The following OPRM1 variants were observed in gnomAD, a reference collection of about 807,000 sequenced individuals.
The protein encoded by OPRM1 is opioid receptor mu 1, also known as mu-type opioid receptor.
OPRM1 carries 27 observed loss-of-function variants against 31.8 expected under a neutral mutation model. That is an observed-to-expected ratio of 0.85 (90% CI 0.63 to 1.17). The LOEUF (loss-of-function observed/expected upper bound fraction) is 1.17, where lower values mean the gene tolerates loss of function less well. Ranked by LOEUF, OPRM1 falls within the 50% of genes most tolerant of loss-of-function variation. OPRM1 has a pLI of 0.00. For missense variants in OPRM1, 536 were observed against 511.1 expected (o/e 1.05, Z -0.47); for synonymous variants, 196 against 189.9 (o/e 1.03, Z -0.26).
intron 1 of OPRM1, among the ~76,000 whole-genome samples, chr6:154,058,069 A>T (rs1051735598): frequency 1.3e-5 from 2 of 152,236 alleles, no homozygotes; most frequent in South Asian, 4.1e-4. Flanking sequence ...CACAAAGCAT[A>T]ACTTAAAACA....
rs1263206470 is a variant in OPRM1, at chr6:154,129,774, G to A, written c.*11053G>A. 6.6e-6 allele frequency among the ~76,000 whole-genome samples: 1 copy of A among 151,042 alleles called. No individual in the cohort carries two copies. The highest frequency in any genetic ancestry group is 2.4e-5 in the African/African-American group (1 of 41,010). The stretch of plus-strand genomic sequence containing the variant: ...ACTCCTGTGATTTTTTTAAATGGCT[G>A]GTTTGGTTGAAGTTTCTCTTATCAG... On this transcript the variant is annotated 3_prime_UTR_variant, in exon 4 of 4. Coordinates refer to ENST00000330432, the MANE Select transcript of OPRM1 (RefSeq NM_000914.5).
At chr6:154,236,564 T>G (rs1780153018) in intron 3 of OPRM1, among the ~76,000 whole-genome samples, 1 of 152,222 alleles carries the variant, frequency 6.6e-6, no homozygotes, top group African/African-American at 2.4e-5. Context: ...TAAAAAACAT[T>G]TAATTTTAAA....
At chr6:154,080,746 C>T (rs1788908038) in intron 1 of OPRM1, among the ~76,000 whole-genome samples, 1 of 152,322 alleles carries the variant, frequency 6.6e-6, no homozygotes, top group Admixed American at 6.5e-5. Context: ...GTAGACATTT[C>T]CAATGGCTTA....
At chr6:154,223,953 C>T (rs925524207) in intron 3 of OPRM1, among the ~76,000 whole-genome samples, 4 of 152,142 alleles carry the variant, frequency 2.6e-5, no homozygotes, top group Non-Finnish European at 5.9e-5. Flanking sequence ...CTTTACATCA[C>T]CAAAAACATG....
chr6:154,115,017 GA>G (rs1197395487), intron 3 of OPRM1, among the ~76,000 whole-genome samples: 2 of 152,038 alleles, frequency 1.3e-5, no homozygotes, highest in African/African-American at 4.8e-5. Context: ...TACAGAACAA[GA>G]ATGTAAATTA....
chr6:154,021,441 G>T (rs556388450), intron 1 of OPRM1, among the ~76,000 whole-genome samples: 1 of 152,000 alleles, frequency 6.6e-6, no homozygotes, highest in Non-Finnish European at 1.5e-5. Context: ...TGCTATACTG[G>T]GTCTTTTTCC....
At chr6:154,055,697 T>C (rs146505486) in intron 1 of OPRM1, among the ~76,000 whole-genome samples, 81 of 152,306 alleles carry the variant, frequency 5.3e-4, no homozygotes, top group African/African-American at 1.9e-3. Flanking sequence ...AAAACCATCG[T>C]GTCAAGGACA....
chr6:154,114,135 C>A lies in OPRM1; in HGVS notation c.1165-4548C>A, dbSNP rs537193427. Among the ~76,000 whole-genome samples, 5 of 152,260 alleles carry A rather than the reference C, an allele frequency of 3.3e-5. No individual in the cohort carries two copies. The East Asian group carries it at 9.7e-4, about 29-fold the overall frequency. On this transcript the variant is annotated intron_variant, in intron 3 of 3. Coordinates refer to ENST00000330432, the MANE Select transcript of OPRM1 (RefSeq NM_000914.5). ...TTCTAATCAACTTGTACATAGGACT[C>A]AACAAGAGGCATGCATAGATAAGGC...
At chr6:154,075,369 T>C (rs1030046370) in intron 1 of OPRM1, among the ~76,000 whole-genome samples, 3 of 152,178 alleles carry the variant, frequency 2.0e-5, no homozygotes, top group Non-Finnish European at 4.4e-5. Flanking sequence ...ACTGGCATTT[T>C]TCATTACAAG....
At position 154,152,328 on chromosome 6, in the gene OPRM1, AAAG is replaced by A. The variant is rs1373106876; in HGVS notation, c.1164+60859_1164+60861del. Among the ~76,000 whole-genome samples the A allele has an allele frequency of 9.1e-3, 270 of 29,704 alleles. 1 individual carries two copies. The highest frequency in any genetic ancestry group is 0.021 in the African/African-American group (137 of 6,562). 19.5% of individuals were successfully genotyped at this position (29,704 alleles called of 152,430 possible). A position where few individuals can be genotyped will look rare whatever the true frequency, so the allele number is the denominator to read the frequency against. On this transcript the variant is annotated intron_variant, in intron 3 of 3. Coordinates refer to the OPRM1 transcript ENST00000337049. ...GAAAGAAAGAAAGAAAGAAAGAAAG[AAAG>A]AAAGAAAGAAAGAAAGGAAAGAAAG...
intron 3 of OPRM1, chr6:154,108,868 C>G: frequency 1.0e-6 from 1 of 984,894 alleles, no homozygotes; most frequent in Non-Finnish European, 1.2e-6. Flanking sequence ...GAAGTGTTCT[C>G]TAAAATTAAA....
chr6:154,170,187 C>T (rs1043626430), intron 3 of OPRM1, among the ~76,000 whole-genome samples: 26 of 152,196 alleles, frequency 1.7e-4, no homozygotes, highest in Non-Finnish European at 3.1e-4. Flanking sequence ...TCCTTTATTC[C>T]TTGGAAGAAA....
intron 3 of OPRM1, among the ~76,000 whole-genome samples, chr6:154,236,096 T>G (rs961895321): frequency 1.3e-5 from 2 of 152,204 alleles, no homozygotes; most frequent in Non-Finnish European, 2.9e-5. Context: ...TCATCTCTAT[T>G]GTGAATATTG....
intron 3 of OPRM1, among the ~76,000 whole-genome samples, chr6:154,180,347 CATATATAT>C (rs143058126): frequency 7.0e-6 from 1 of 142,106 alleles, no homozygotes; most frequent in Non-Finnish European, 1.5e-5. Flanking sequence ...AGAAAGGAGA[CATATATAT>C]ATATATACTG....
chr6:154,235,992 A>G (rs1780100999), intron 3 of OPRM1, among the ~76,000 whole-genome samples: 1 of 152,252 alleles, frequency 6.6e-6, no homozygotes, highest in South Asian at 2.1e-4. Flanking sequence ...GCAAAATAGC[A>G]TGGTAGCGCC....
intron 1 of OPRM1, among the ~76,000 whole-genome samples, chr6:154,014,462 G>A (rs1777895803): frequency 6.6e-6 from 1 of 151,934 alleles, no homozygotes; most frequent in Non-Finnish European, 1.5e-5. Flanking sequence ...GACAATGAGA[G>A]GAATTGATAA....
intron 1 of OPRM1, among the ~76,000 whole-genome samples, chr6:154,069,502 G>T (rs945105688): frequency 6.6e-6 from 1 of 152,204 alleles, no homozygotes; most frequent in Non-Finnish European, 1.5e-5. Flanking sequence ...CTCCCAAAGT[G>T]CTGGGATTAC....
chr6:154,035,738 A>T (rs1474353852), upstream of OPRM1, among the ~76,000 whole-genome samples: 2 of 152,120 alleles, frequency 1.3e-5, no homozygotes, highest in South Asian at 2.1e-4. Context: ...CTTTCCTGGG[A>T]TTCATCCGTG....
chr6:154,097,298 T>C (rs748417066), intron 3 of OPRM1, among the ~76,000 whole-genome samples: 23 of 152,338 alleles, frequency 1.5e-4, no homozygotes, highest in Admixed American at 3.3e-4. Flanking sequence ...AGTTAGGAGA[T>C]GCTCTGTATT....
Sources: gnomAD v4.1 joint callset for allele counts (sites outside exome capture counted in the v4.1 genomes callset) on GRCh38, gnomAD v4.1.1 for gene constraint, MANE v1.5 for transcripts, NCBI Gene and HGNC (gene_info 2026-07-23, HGNC 2026-07-21) for gene names.